Variants in UMAD1 observed in about 807,000 individuals in gnomAD.
UMAD1 encodes UBAP1-MVB12-associated (UMA) domain containing 1.
Under a neutral mutation model 6.1 loss-of-function variants are expected in UMAD1, and 8 were observed. The observed-to-expected ratio is 1.30, with a 90% CI of 0.76 to 2.35. UMAD1 has a LOEUF of 2.35. Ranked by LOEUF, UMAD1 falls within the 30% of genes most tolerant of loss-of-function variation. UMAD1 has a pLI of 0.00. For missense variants in UMAD1, 130 were observed against 78.4 expected (o/e 1.66, Z -2.49); for synonymous variants, 56 against 31.4 (o/e 1.78, Z -2.61).
chr7:7,847,971 T>C (rs1355238541), intron 3 of UMAD1, among the ~76,000 whole-genome samples: 1 of 152,204 alleles, frequency 6.6e-6, no homozygotes, highest in East Asian at 1.9e-4. Context: ...TTGACAGTCA[T>C]CTTTTGATGT....
chr7:7,680,011 C>A (rs781267650), intron 2 of UMAD1, among the ~76,000 whole-genome samples: 1 of 151,886 alleles, frequency 6.6e-6, no homozygotes, highest in Non-Finnish European at 1.5e-5. Context: ...GTTGATTAAT[C>A]ATTTCTTTTG....
At chr7:7,769,481 C>G (rs1329926431) in intron 2 of UMAD1, among the ~76,000 whole-genome samples, 3 of 152,074 alleles carry the variant, frequency 2.0e-5, no homozygotes, top group Non-Finnish European at 4.4e-5. Context: ...CCTTAGAGAG[C>G]CTCCCCCACT....
intron 3 of UMAD1, among the ~76,000 whole-genome samples, chr7:7,834,451 G>A (rs1185493090): frequency 6.6e-6 from 1 of 152,104 alleles, no homozygotes; most frequent in African/African-American, 2.4e-5. Flanking sequence ...GTCTGCTCAG[G>A]CTGCTGTAAC....
intron 3 of UMAD1, among the ~76,000 whole-genome samples, chr7:7,846,747 G>A (rs914835540): frequency 1.3e-5 from 2 of 151,596 alleles, no homozygotes; most frequent in Non-Finnish European, 2.9e-5. Flanking sequence ...ATTTTAACAT[G>A]GAAGTATGGA....
chr7:7,866,650 G>T lies in UMAD1; in HGVS notation c.157-10631G>T, dbSNP rs148684010. Among the ~76,000 whole-genome samples, 189 of 152,334 alleles carry T rather than the reference G, an allele frequency of 1.2e-3. 1 individual carries two copies. In the Middle Eastern group the frequency reaches 0.031, roughly 25 times the overall value. On this transcript the variant is annotated intron_variant, in intron 3 of 3. Coordinates refer to ENST00000682710, the MANE Select transcript of UMAD1 (RefSeq NM_001302348.2). ...TGGAAAGCAGTAGGCACCATGAAAA[G>T]GTTTGGTTAACAGCGGATAGCTTGG...
chr7:7,790,157 A>G (rs1048583491), intron 2 of UMAD1, among the ~76,000 whole-genome samples: 12 of 152,178 alleles, frequency 7.9e-5, no homozygotes, highest in South Asian at 4.1e-4. Flanking sequence ...TTGCATTAGA[A>G]TATCTGGGAT....
At chr7:7,819,073 C>T (rs899205997) in intron 3 of UMAD1, among the ~76,000 whole-genome samples, 1 of 152,194 alleles carries the variant, frequency 6.6e-6, no homozygotes, top group African/African-American at 2.4e-5. Context: ...TGGTCTCGAA[C>T]TCCTGACCCC....
chr7:7,715,534 C>G (rs1418935105), intron 2 of UMAD1, among the ~76,000 whole-genome samples: 1 of 152,098 alleles, frequency 6.6e-6, no homozygotes, highest in Non-Finnish European at 1.5e-5. Flanking sequence ...TTTCTGTGTG[C>G]TAGGTGCTGT....
At chr7:7,741,578 A>AAAT (rs201307561) in intron 2 of UMAD1, among the ~76,000 whole-genome samples, 13,351 of 139,268 alleles carry the variant, frequency 0.096, 719 homozygotes, top group East Asian at 0.15. Context: ...CAACGTCTCA[A>AAAT]AATAATAATA....
intron 2 of UMAD1, among the ~76,000 whole-genome samples, chr7:7,730,556 A>G (rs140420549): frequency 2.0e-4 from 31 of 152,288 alleles, no homozygotes; most frequent in African/African-American, 6.5e-4. Flanking sequence ...GAGAAAAACA[A>G]TTGCCTACAT....
chr7:7,776,615 A>G (rs1782213073), intron 2 of UMAD1, among the ~76,000 whole-genome samples: 1 of 152,244 alleles, frequency 6.6e-6, no homozygotes, highest in African/African-American at 2.4e-5. Flanking sequence ...TGAAACAAAG[A>G]CAGCATGCCA....
chr7:7,743,164 T>C (rs373543865), intron 2 of UMAD1, among the ~76,000 whole-genome samples: 18 of 152,326 alleles, frequency 1.2e-4, no homozygotes, highest in African/African-American at 3.6e-4. Context: ...AGTTTTGGTC[T>C]GGTGGTGCAG....
At chr7:7,712,670 C>T (rs1780795864) in intron 2 of UMAD1, among the ~76,000 whole-genome samples, 2 of 152,168 alleles carry the variant, frequency 1.3e-5, no homozygotes, top group Middle Eastern at 3.4e-3. Flanking sequence ...TTCATTTTAT[C>T]TTTTGGTCTT....
At chr7:7,798,815 T>A (rs1224753876) in intron 2 of UMAD1, among the ~76,000 whole-genome samples, 1 of 152,238 alleles carries the variant, frequency 6.6e-6, no homozygotes, top group Admixed American at 6.5e-5. Context: ...GGTCACTGAG[T>A]GCCTCTGCCC....
intron 3 of UMAD1, among the ~76,000 whole-genome samples, chr7:7,845,311 A>G (rs1013826659): frequency 2.0e-5 from 3 of 151,992 alleles, no homozygotes; most frequent in Admixed American, 6.6e-5. Flanking sequence ...TTTAAATTAC[A>G]TATGTAGTTC....
intron 2 of UMAD1, among the ~76,000 whole-genome samples, chr7:7,756,586 G>C (rs574727400): frequency 6.6e-6 from 1 of 152,110 alleles, no homozygotes; most frequent in Non-Finnish European, 1.5e-5. Flanking sequence ...CCCTTACTCT[G>C]TTCTTTCATG....
intron 2 of UMAD1, among the ~76,000 whole-genome samples, chr7:7,793,481 C>G (rs17137826): frequency 0.11 from 16,482 of 152,226 alleles, 946 homozygotes; most frequent in East Asian, 0.18. Flanking sequence ...ATTTTAAAAG[C>G]GAGCTCATTA....
chr7:7,806,284 C>T (rs1202028207), intron 3 of UMAD1, among the ~76,000 whole-genome samples: 6 of 151,176 alleles, frequency 4.0e-5, no homozygotes, highest in Non-Finnish European at 8.8e-5. Flanking sequence ...TCCCTTGAAA[C>T]CTGCACAATG....
At chr7:7,743,617 G>C (rs894202531) in intron 2 of UMAD1, among the ~76,000 whole-genome samples, 1 of 151,822 alleles carries the variant, frequency 6.6e-6, no homozygotes, top group Non-Finnish European at 1.5e-5. Context: ...TCTGGACAAA[G>C]TGAGTCTATT....
Sources: gnomAD v4.1 joint callset for allele counts (sites outside exome capture counted in the v4.1 genomes callset) on GRCh38, gnomAD v4.1.1 for gene constraint, MANE v1.5 for transcripts, NCBI Gene and HGNC (gene_info 2026-07-23, HGNC 2026-07-21) for gene names.